SLC39A10: variants seen among roughly 807,000 people sequenced by gnomAD.
The protein encoded by SLC39A10 is zinc transporter ZIP10.
In SLC39A10, 13 loss-of-function variants were observed where a neutral mutation model predicts 65.1. That is an observed-to-expected ratio of 0.20 (90% CI 0.13 to 0.32). The LOEUF is 0.32. SLC39A10 is among the 10% of genes least tolerant of loss of function. SLC39A10 has a pLI of 1.00. For synonymous variants in SLC39A10, 321 were observed against 342.2 expected (o/e 0.94, Z 0.68); for missense variants, 831 against 1,018.4 (o/e 0.82, Z 2.50).
intron 1 of SLC39A10, among the ~76,000 whole-genome samples, chr2:195,674,364 G>A (rs868275675): frequency 6.6e-6 from 1 of 151,836 alleles, no homozygotes; most frequent in South Asian, 2.1e-4. Context: ...TGCAACCTCC[G>A]CCTCCTGAGT....
chr2:195,719,060 C>T (rs77719831), intron 8 of SLC39A10, among the ~76,000 whole-genome samples: 4,630 of 151,064 alleles, frequency 0.031, 91 homozygotes, highest in Middle Eastern at 0.055. Context: ...TTTCTTTTTT[C>T]ATTTAAAAAA....
At position 195,680,443 on chromosome 2, in the gene SLC39A10, A is replaced by C; in HGVS notation, c.401A>C (p.His134Pro). 6.2e-7 allele frequency: 1 copy of C among 1,614,180 alleles called. No homozygotes were observed. The highest frequency in any genetic ancestry group is 8.5e-7 in the Non-Finnish European group (1 of 1,180,028). The change falls in exon 2 of 10, where the codon CAT becomes CCT. Residue 134 changes from histidine (H) to proline (P), a missense_variant. By Grantham distance (77) the His-to-Pro change is moderately conservative. Coordinates refer to ENST00000359634, the MANE Select transcript of SLC39A10 (RefSeq NM_020342.3). ...HSHNHQHSHN[H>P]LNSENQTVTS... Reference sequence around the variant, plus strand: ...CATAACCACCAGCATTCCCATAATCATTTAAATTCAGAAAATCAAACTGTG... The same window carrying C: ...CATAACCACCAGCATTCCCATAATCCTTTAAATTCAGAAAATCAAACTGTG...
At chr2:195,662,053 G>A (rs62203580) in intron 1 of SLC39A10, among the ~76,000 whole-genome samples, 12,774 of 152,174 alleles carry the variant, frequency 0.084, 581 homozygotes, top group African/African-American at 0.1. Context: ...AATGTTGTAG[G>A]ATGTATCCTT....
chr2:195,647,488 A>G (rs1688946145), intron 2 of SLC39A10, among the ~76,000 whole-genome samples: 2 of 151,210 alleles, frequency 1.3e-5, no homozygotes, highest in Admixed American at 6.6e-5. Flanking sequence ...CCAGGCATTC[A>G]CTCATCTCAT....
intron 2 of SLC39A10, among the ~76,000 whole-genome samples, chr2:195,627,601 G>C (rs1470747563): frequency 6.6e-6 from 1 of 152,126 alleles, no homozygotes; most frequent in Non-Finnish European, 1.5e-5. Context: ...CAACTTCTAA[G>C]GATCTGCCAA....
chr2:195,621,066 A>G (rs558330687), intron 2 of SLC39A10, among the ~76,000 whole-genome samples: 1 of 152,304 alleles, frequency 6.6e-6, no homozygotes, highest in South Asian at 2.1e-4. Context: ...TAAATTTTCT[A>G]TAGTTTTAAT....
chr2:195,656,033 C>T (rs901329706), upstream of SLC39A10, among the ~76,000 whole-genome samples: 1 of 152,166 alleles, frequency 6.6e-6, no homozygotes, highest in East Asian at 1.9e-4. Flanking sequence ...TTTCCTACCT[C>T]ACCGTGTTAT....
At chr2:195,668,094 T>G (rs1219186524) in intron 1 of SLC39A10, among the ~76,000 whole-genome samples, 1 of 152,202 alleles carries the variant, frequency 6.6e-6, no homozygotes, top group African/African-American at 2.4e-5. Flanking sequence ...CCTAGGCTAA[T>G]CTATCTTCAC....
At chr2:195,654,837 C>A (rs1308223758), upstream of SLC39A10, among the ~76,000 whole-genome samples, 1 of 152,118 alleles carries the variant, frequency 6.6e-6, no homozygotes, top group African/African-American at 2.4e-5. Context: ...TTTGTGTAAG[C>A]CTGCAAGTCA....
At chr2:195,654,223 GCC>G (rs1689102661), upstream of SLC39A10, among the ~76,000 whole-genome samples, 1 of 152,188 alleles carries the variant, frequency 6.6e-6, no homozygotes, top group Admixed American at 6.5e-5. Flanking sequence ...ACAGGCGTGA[GCC>G]ACCACGCCTG....
chr2:195,677,809 G>A (rs989568680), intron 1 of SLC39A10, among the ~76,000 whole-genome samples: 16 of 149,900 alleles, frequency 1.1e-4, no homozygotes, highest in African/African-American at 3.7e-4. Flanking sequence ...GAGTGCAGTG[G>A]CACGATCAGG....
rs1370862309 is a variant in SLC39A10, at chr2:195,735,569, C to A, written c.*528C>A. The A allele has an allele frequency of 2.6e-5, 4 of 152,568 alleles. No individual in the cohort carries two copies. Among genetic ancestry groups the A allele is most frequent in the Non-Finnish European group, 5.9e-5 (4 of 68,036 alleles). 9.5% of individuals were successfully genotyped at this position (152,568 alleles called of 1,614,324 possible). A position where few individuals can be genotyped will look rare whatever the true frequency, so the allele number is the denominator to read the frequency against. On this transcript the variant is annotated 3_prime_UTR_variant, in exon 10 of 10. Transcript: ENST00000359634. ...CATAGGAACTAGAGGAAAGCTCAGGCTGCATTAGAGTATGAATTTAGCATT... is the reference window on the plus strand; with the variant it reads ...CATAGGAACTAGAGGAAAGCTCAGGATGCATTAGAGTATGAATTTAGCATT...
At chr2:195,625,565 C>T (rs930808059) in intron 2 of SLC39A10, among the ~76,000 whole-genome samples, 3 of 152,124 alleles carry the variant, frequency 2.0e-5, no homozygotes, top group African/African-American at 7.2e-5. Context: ...GCCTGAGCCA[C>T]TGCGCCCAGC....
intron 2 of SLC39A10, among the ~76,000 whole-genome samples, chr2:195,645,564 A>G (rs920833610): frequency 1.3e-5 from 2 of 152,216 alleles, no homozygotes; most frequent in Admixed American, 6.5e-5. Flanking sequence ...AACGCTACCA[A>G]TTAAACATTA....
intron 2 of SLC39A10, among the ~76,000 whole-genome samples, chr2:195,631,817 C>A (rs780090876): frequency 1.3e-5 from 2 of 152,164 alleles, no homozygotes; most frequent in Admixed American, 6.6e-5. Flanking sequence ...CTTCATCTTA[C>A]CATGACTGTA....
intron 2 of SLC39A10, among the ~76,000 whole-genome samples, chr2:195,624,685 G>C (rs562000423): frequency 6.6e-6 from 1 of 150,558 alleles, no homozygotes; most frequent in Non-Finnish European, 1.5e-5. Context: ...GACCTGCCTG[G>C]CCAACATGGC....
intron 1 of SLC39A10, among the ~76,000 whole-genome samples, chr2:195,659,272 G>A (rs1045810957): frequency 3.9e-5 from 6 of 152,160 alleles, no homozygotes; most frequent in Admixed American, 3.9e-4. Flanking sequence ...CATAGGAAAT[G>A]ACATCAATAA....
At chr2:195,639,210 C>T (rs568895828) in intron 2 of SLC39A10, among the ~76,000 whole-genome samples, 21 of 152,310 alleles carry the variant, frequency 1.4e-4, no homozygotes, top group African/African-American at 5.1e-4. Flanking sequence ...CCTTGGCCTC[C>T]CAAAGTGTTG....
At chr2:195,644,663 C>T (rs1423561742) in intron 2 of SLC39A10, among the ~76,000 whole-genome samples, 6 of 151,718 alleles carry the variant, frequency 4.0e-5, no homozygotes, top group East Asian at 3.9e-4. Flanking sequence ...AAAATAGCTG[C>T]GTGTGGTGAC....
Sources: gnomAD v4.1 joint callset for allele counts (sites outside exome capture counted in the v4.1 genomes callset) on GRCh38, gnomAD v4.1.1 for gene constraint, MANE v1.5 for transcripts, NCBI Gene and HGNC (gene_info 2026-07-23, HGNC 2026-07-21) for gene names.